Variants in SFMBT2 observed in about 807,000 individuals in gnomAD.
The protein encoded by SFMBT2 is Scm like with four mbt domains 2.
Under a neutral mutation model 110.1 loss-of-function variants are expected in SFMBT2, and 38 were observed. That is an observed-to-expected ratio of 0.35 (90% confidence interval 0.27 to 0.45). The LOEUF is 0.45. Among genes scored for constraint, SFMBT2 ranks in the 20% least tolerant of loss-of-function variants. The pLI, the probability that SFMBT2 is intolerant of heterozygous loss-of-function variation, is 1.00. For missense variants in SFMBT2, 1,011 were observed against 1,094.9 expected (o/e 0.92, Z 1.08); for synonymous variants, 425 against 425.4 (o/e 1.00, Z 0.01).
chr10:7,374,770 T>C (rs1845155014), intron 2 of SFMBT2, among the ~76,000 whole-genome samples: 1 of 152,232 alleles, frequency 6.6e-6, no homozygotes, highest in Non-Finnish European at 1.5e-5. Context: ...CCAGCACTGA[T>C]GACTTGAACT....
At chr10:7,361,171 G>C (rs1038608679) in intron 4 of SFMBT2, among the ~76,000 whole-genome samples, 1 of 151,928 alleles carries the variant, frequency 6.6e-6, no homozygotes, top group Non-Finnish European at 1.5e-5. Flanking sequence ...TGAGTTTTTA[G>C]CATATATACT....
intron 1 of SFMBT2, among the ~76,000 whole-genome samples, chr10:7,387,936 A>AAG (rs1845658819): frequency 6.8e-6 from 1 of 147,698 alleles, no homozygotes; most frequent in African/African-American, 2.5e-5. Context: ...ACGACAGAGC[A>AAG]ACTCTGTTTC....
At chr10:7,297,448 T>C (rs1842433823) in intron 4 of SFMBT2, among the ~76,000 whole-genome samples, 1 of 151,696 alleles carries the variant, frequency 6.6e-6, no homozygotes, top group Admixed American at 6.6e-5. Flanking sequence ...GAAATAACCA[T>C]GCACAAGAAG....
intron 9 of SFMBT2, among the ~76,000 whole-genome samples, chr10:7,242,210 C>T (rs1840453179): frequency 2.0e-5 from 3 of 152,198 alleles, no homozygotes; most frequent in Admixed American, 1.3e-4. Flanking sequence ...AATCCTTCGA[C>T]TCATTTTAAC....
chr10:7,201,482 G>A (rs958499396), intron 13 of SFMBT2, among the ~76,000 whole-genome samples: 7 of 152,160 alleles, frequency 4.6e-5, no homozygotes, highest in Admixed American at 2.0e-4. Flanking sequence ...GGATAACGTG[G>A]AGTCTGGTTA....
chr10:7,410,586 A>C (rs941831236), intron 1 of SFMBT2, among the ~76,000 whole-genome samples: 3 of 152,202 alleles, frequency 2.0e-5, no homozygotes, highest in Admixed American at 2.0e-4. Flanking sequence ...GGAAGCAAAA[A>C]TGACAACCTG....
At chr10:7,355,110 A>C (rs900009270) in intron 4 of SFMBT2, among the ~76,000 whole-genome samples, 1 of 152,238 alleles carries the variant, frequency 6.6e-6, no homozygotes, top group Non-Finnish European at 1.5e-5. Flanking sequence ...CTTCATCTTA[A>C]TTCTTTTCAT....
chr10:7,368,866 T>A (rs1036660110), intron 3 of SFMBT2, among the ~76,000 whole-genome samples: 1 of 152,236 alleles, frequency 6.6e-6, no homozygotes, highest in Non-Finnish European at 1.5e-5. Context: ...TTGGTTTTAC[T>A]AAACAGCCAC....
intron 9 of SFMBT2, among the ~76,000 whole-genome samples, chr10:7,243,297 A>C (rs1214971740): frequency 6.6e-6 from 1 of 152,230 alleles, no homozygotes; most frequent in South Asian, 2.1e-4. Flanking sequence ...AAGTCTACAC[A>C]ATAGCAGCAC....
intron 1 of SFMBT2, among the ~76,000 whole-genome samples, chr10:7,385,828 T>C (rs904957385): frequency 6.6e-6 from 1 of 151,960 alleles, no homozygotes; most frequent in African/African-American, 2.4e-5. Context: ...TGAAACCCCG[T>C]CTCTACTAAA....
At chr10:7,341,942 G>T (rs1008018919) in intron 4 of SFMBT2, among the ~76,000 whole-genome samples, 1 of 152,170 alleles carries the variant, frequency 6.6e-6, no homozygotes, top group Non-Finnish European at 1.5e-5. Flanking sequence ...TTTAGCAAAA[G>T]GAAAGGTGCC....
chr10:7,399,133 G>A (rs1273284781), intron 1 of SFMBT2, among the ~76,000 whole-genome samples: 2 of 152,200 alleles, frequency 1.3e-5, no homozygotes, highest in Admixed American at 1.3e-4. Context: ...CAGCCAGCGG[G>A]AAACCCTCGC....
intron 1 of SFMBT2, among the ~76,000 whole-genome samples, chr10:7,397,934 C>T (rs763066937): frequency 5.3e-5 from 8 of 152,220 alleles, no homozygotes; most frequent in Non-Finnish European, 1.2e-4. Context: ...TCAAGTGAGA[C>T]GAGCTGATTG....
In SFMBT2 at chr10:7,170,845, G is replaced by A. The variant is rs1304756624; in HGVS notation, c.2544+83C>T. On this transcript the variant is annotated intron_variant, in intron 20 of 20. Coordinates refer to ENST00000397167, the MANE Select transcript of SFMBT2 (RefSeq NM_001387889.1). The surrounding 1 kb of genome is among the most constrained non-coding windows in gnomAD (Gnocchi z 4.6). ...CGAAGAACCCCCTCGCAGGTGTCACGAGGAAGCCGGCTAGGACACGAGGTT... is the reference window on the plus strand; with the variant it reads ...CGAAGAACCCCCTCGCAGGTGTCACAAGGAAGCCGGCTAGGACACGAGGTT... The A allele has an allele frequency of 9.6e-6, 15 of 1,566,050 alleles. 1 individual carries two copies. The highest frequency in any genetic ancestry group is 4.5e-5 in the South Asian group (4 of 88,708).
intron 7 of SFMBT2, among the ~76,000 whole-genome samples, chr10:7,271,308 A>T (rs1280850904): frequency 2.6e-5 from 4 of 151,592 alleles, no homozygotes; most frequent in Non-Finnish European, 5.9e-5. Flanking sequence ...AAAAAAAAAA[A>T]AAATTAAATT....
intron 9 of SFMBT2, among the ~76,000 whole-genome samples, chr10:7,242,102 G>A (rs1840448301): frequency 6.6e-6 from 1 of 152,140 alleles, no homozygotes; most frequent in Non-Finnish European, 1.5e-5. Context: ...AAACTCTACA[G>A]GACCTATGGC....
At chr10:7,382,359 G>A (rs555632185) in intron 1 of SFMBT2, among the ~76,000 whole-genome samples, 143 of 152,180 alleles carry the variant, frequency 9.4e-4, no homozygotes, top group African/African-American at 3.3e-3. Context: ...GCAGTGAGCT[G>A]AGATCACACC....
At position 7,381,881 on chromosome 10, in the gene SFMBT2, T is replaced by C. The variant is rs988160171; in HGVS notation, c.18A>G (p.Ser6=). The C allele has an allele frequency of 6.8e-6, 11 of 1,611,410 alleles. No homozygotes were observed. Among genetic ancestry groups the C allele is most frequent in the Non-Finnish European group, 9.3e-6 (11 of 1,178,152 alleles). MESTL[S]ASNMQDPSSS... Reference sequence around the variant, plus strand: ...ATGAAGGGTCTTGCATATTGGAAGCTGACAAAGTGCTCTCCATGCCTGATG... The same window carrying C: ...ATGAAGGGTCTTGCATATTGGAAGCCGACAAAGTGCTCTCCATGCCTGATG... Residue 6 remains serine, a synonymous_variant, in exon 2 of 21, where the codon TCA becomes TCG. Coordinates refer to ENST00000397167, the MANE Select transcript of SFMBT2 (RefSeq NM_001387889.1).
At chr10:7,312,733 A>G (rs879443902) in intron 4 of SFMBT2, among the ~76,000 whole-genome samples, 6 of 152,366 alleles carry the variant, frequency 3.9e-5, no homozygotes, top group South Asian at 2.1e-4. Context: ...TTAGCGAATC[A>G]CAATGGTGTT....
Sources: gnomAD v4.1 joint callset for allele counts (sites outside exome capture counted in the v4.1 genomes callset) on GRCh38, gnomAD v4.1.1 for gene constraint, Gnocchi (gnomAD v3.1) non-coding constraint, MANE v1.5 for transcripts, NCBI Gene and HGNC (gene_info 2026-07-23, HGNC 2026-07-21) for gene names.